Variants in MTUS2 observed in about 807,000 individuals in gnomAD.
The protein encoded by MTUS2 is microtubule-associated tumor suppressor candidate 2.
In MTUS2, 40 loss-of-function variants were observed where a neutral mutation model predicts 114.1. The observed-to-expected ratio is 0.35, with a 90% CI of 0.27 to 0.46. MTUS2 has a LOEUF of 0.46. Among genes scored for constraint, MTUS2 ranks in the 20% least tolerant of loss-of-function variants. The pLI is 1.00. For missense variants in MTUS2, 1,679 were observed against 1,705.4 expected (o/e 0.98, Z 0.27); for synonymous variants, 688 against 672.0 (o/e 1.02, Z -0.37).
At chr13:29,363,121 A>C (rs1210350717) in intron 8 of MTUS2, among the ~76,000 whole-genome samples, 1 of 152,026 alleles carries the variant, frequency 6.6e-6, no homozygotes, top group Admixed American at 6.6e-5. Context: ...CGCGCTCCTT[A>C]GGGTCAGGTT....
At chr13:28,992,211 C>T (rs74041687) in intron 2 of MTUS2, among the ~76,000 whole-genome samples, 2,684 of 152,338 alleles carry the variant, frequency 0.018, 81 homozygotes, top group African/African-American at 0.06. Context: ...TTAGCAGCAA[C>T]TCCTCCTCTG....
At chr13:28,932,891 T>C (rs1156839049) in intron 2 of MTUS2, among the ~76,000 whole-genome samples, 1 of 152,034 alleles carries the variant, frequency 6.6e-6, no homozygotes, top group African/African-American at 2.4e-5. Flanking sequence ...TCTTAGAAGA[T>C]GATATGATAT....
intron 2 of MTUS2, among the ~76,000 whole-genome samples, chr13:28,960,466 A>T (rs1437298364): frequency 6.6e-6 from 1 of 152,238 alleles, no homozygotes; most frequent in African/African-American, 2.4e-5. Flanking sequence ...TCAAAAGTAG[A>T]AACAATACAA....
chr13:28,839,589 A>T (rs1057504204), intron 1 of MTUS2, among the ~76,000 whole-genome samples, 189 bp from the exon 2 acceptor site: 1 of 152,214 alleles, frequency 6.6e-6, no homozygotes, highest in Non-Finnish European at 1.5e-5. Flanking sequence ...GACTCAGCTA[A>T]TGGAAAAAAT....
intron 8 of MTUS2, among the ~76,000 whole-genome samples, chr13:29,361,518 C>T (rs576039846): frequency 7.2e-5 from 11 of 152,108 alleles, no homozygotes; most frequent in South Asian, 2.1e-4. Context: ...TTATGCAGGC[C>T]GTCATGCATG....
chr13:28,998,546 G>A (rs1020352389), intron 2 of MTUS2, among the ~76,000 whole-genome samples: 1 of 152,060 alleles, frequency 6.6e-6, no homozygotes, highest in African/African-American at 2.4e-5. Flanking sequence ...CGCAGATTTG[G>A]TCTTTTCACA....
intron 2 of MTUS2, among the ~76,000 whole-genome samples, chr13:28,975,772 T>C (rs1026711334): frequency 7.2e-5 from 11 of 152,258 alleles, no homozygotes; most frequent in African/African-American, 2.4e-4. Context: ...ACATGTTGAT[T>C]ATCTTTGCCT....
intron 8 of MTUS2, among the ~76,000 whole-genome samples, chr13:29,373,354 T>G (rs1196842400): frequency 6.6e-6 from 1 of 152,070 alleles, no homozygotes; most frequent in Non-Finnish European, 1.5e-5. Flanking sequence ...CAAACAGGAG[T>G]GCAGTTGTGA....
chr13:29,496,436 G>A lies in MTUS2; in HGVS notation c.3580-802G>A, dbSNP rs191911613. ...GAGCCAGAGTGAAGCGGGAGTGAGA[G>A]GGAGCTGGCTGGAGGTAGGCACTGC... On this transcript the variant is annotated intron_variant, in intron 12 of 15. Transcript: ENST00000612955. This position sits in a 1 kb window ranked among gnomAD's most constrained non-coding sequence, Gnocchi z 4.3. The A allele has an allele frequency of 4.7e-4, 73 of 154,088 alleles. No homozygotes were observed. Among genetic ancestry groups the A allele is most frequent in the African/African-American group, 1.7e-3 (69 of 41,592 alleles). 9.5% of individuals were successfully genotyped at this position (154,088 alleles called of 1,614,324 possible). A position where few individuals can be genotyped will look rare whatever the true frequency, so the allele number is the denominator to read the frequency against.
chr13:29,029,331 C>T (rs1246861851), intron 3 of MTUS2, among the ~76,000 whole-genome samples: 3 of 152,190 alleles, frequency 2.0e-5, no homozygotes, highest in East Asian at 3.8e-4. Context: ...GCAATGAGAA[C>T]GTGTTCTGGC....
chr13:29,486,874 A>G lies in MTUS2; in HGVS notation c.3400-1026A>G, dbSNP rs139891340. ...CACCGTTGTAGTGCATCCAGGAGAG[A>G]TTTGCAATCATAGGGAGAGGTCGTT... On this transcript the variant is annotated intron_variant, in intron 10 of 15. Coordinates refer to ENST00000612955, the MANE Select transcript of MTUS2 (RefSeq NM_001033602.4). Among the ~76,000 whole-genome samples the G allele has an allele frequency of 5.3e-5, 8 of 152,236 alleles. No homozygotes were observed. The East Asian group carries it at 1.4e-3, about 26-fold the overall frequency.
intron 4 of MTUS2, among the ~76,000 whole-genome samples, chr13:29,097,608 G>A (rs1890233211): frequency 6.6e-6 from 1 of 152,174 alleles, no homozygotes; most frequent in South Asian, 2.1e-4. Flanking sequence ...AGACAGTGTA[G>A]CGTATAAAAA....
intron 5 of MTUS2, among the ~76,000 whole-genome samples, chr13:29,122,498 A>G (rs1032467080): frequency 6.6e-6 from 1 of 152,194 alleles, no homozygotes; most frequent in Admixed American, 6.5e-5. Flanking sequence ...ACTCACTATC[A>G]TGAGAACAGC....
At position 28,820,400 on chromosome 13, in the gene MTUS2, C is replaced by A. The variant is rs1313697936; in HGVS notation, c.-527C>A. On this transcript the variant is annotated 5_prime_UTR_variant, in exon 1 of 16. Coordinates refer to ENST00000612955, the MANE Select transcript of MTUS2 (RefSeq NM_001033602.4). ...GGGCGCCCCTCGCGCTCCACCTGCGCCGCCGCCGCCGGCTCTCAGGGCAAG... is the reference window on the plus strand; with the variant it reads ...GGGCGCCCCTCGCGCTCCACCTGCGACGCCGCCGCCGGCTCTCAGGGCAAG... 6.6e-6 allele frequency: 1 copy of A among 151,744 alleles called. No individual in the cohort carries two copies. Among genetic ancestry groups the A allele is most frequent in the Admixed American group, 6.6e-5 (1 of 15,242 alleles). 9.4% of individuals were successfully genotyped at this position (151,744 alleles called of 1,614,324 possible). A position where few individuals can be genotyped will look rare whatever the true frequency, so the allele number is the denominator to read the frequency against.
intron 5 of MTUS2, among the ~76,000 whole-genome samples, chr13:29,279,229 T>C (rs1182831362): frequency 6.6e-6 from 1 of 152,160 alleles, no homozygotes; most frequent in African/African-American, 2.4e-5. Context: ...ATTCAAACCC[T>C]AGCCATCTTG....
chr13:29,129,041 C>T (rs1891640004), intron 5 of MTUS2, among the ~76,000 whole-genome samples: 1 of 152,122 alleles, frequency 6.6e-6, no homozygotes, highest in Admixed American at 6.5e-5. Flanking sequence ...CCTTGTAGAA[C>T]ATTTCTTTAG....
chr13:29,078,729 T>C (rs921265425), intron 4 of MTUS2, among the ~76,000 whole-genome samples: 5 of 152,228 alleles, frequency 3.3e-5, no homozygotes, highest in Non-Finnish European at 5.9e-5. Context: ...ATATGTGGCC[T>C]TTCAAACTTC....
At chr13:28,827,116 T>C (rs1874322585) in intron 1 of MTUS2, among the ~76,000 whole-genome samples, 1 of 152,246 alleles carries the variant, frequency 6.6e-6, no homozygotes, top group African/African-American at 2.4e-5. Flanking sequence ...CTTATATTAC[T>C]ATCAGTTTAT....
intron 2 of MTUS2, among the ~76,000 whole-genome samples, chr13:28,969,032 T>C (rs930969167): frequency 2.0e-5 from 3 of 152,186 alleles, no homozygotes; most frequent in Admixed American, 6.5e-5. Context: ...CTGCAATTTT[T>C]TGTATAATTT....
Sources: gnomAD v4.1 joint callset for allele counts (sites outside exome capture counted in the v4.1 genomes callset) on GRCh38, gnomAD v4.1.1 for gene constraint, Gnocchi (gnomAD v3.1) non-coding constraint, MANE v1.5 for transcripts, NCBI Gene and HGNC (gene_info 2026-07-23, HGNC 2026-07-21) for gene names.